The following ZNF18 variants were observed in gnomAD, a reference collection of about 807,000 sequenced individuals.
ZNF18 encodes heart development-specific gene 1 protein.
Under a neutral mutation model 58.1 loss-of-function variants are expected in ZNF18, and 42 were observed. The observed-to-expected ratio is 0.72, with a 90% CI of 0.56 to 0.93. The LOEUF (loss-of-function observed/expected upper bound fraction) is 0.93. Among genes scored for constraint, ZNF18 ranks in the 40% least tolerant of loss-of-function variants. ZNF18 has a pLI of 0.00. For missense variants in ZNF18, 540 were observed against 644.2 expected, an observed-to-expected ratio of 0.84 and a Z score of 1.75; for synonymous variants, 231 against 239.8, an observed-to-expected ratio of 0.96 and a Z score of 0.34.
At chr17:12,010,902 G>T in the ZNF18 span, 1 of 527,970 alleles carries the variant, frequency 1.9e-6, no homozygotes, top group Non-Finnish European at 3.4e-6. Context: ...TCCTTCACTT[G>T]TTTCAGGAAG....
chr17:12,020,521 C>T, the ZNF18 span, among the ~76,000 whole-genome samples: 1 of 152,182 alleles, frequency 6.6e-6, no homozygotes, highest in African/African-American at 2.4e-5. Flanking sequence ...TTCTGAGATT[C>T]CAACAAAGTG....
At chr17:11,984,042 A>T in intron 5 of ZNF18, 71 bp downstream of exon 5, 1 of 1,411,800 alleles carries the variant, frequency 7.1e-7, no homozygotes, top group Non-Finnish European at 9.8e-7. Flanking sequence ...TGTCTCTATA[A>T]GTGCATGGAA....
chr17:12,006,614 G>C, the ZNF18 span, among the ~76,000 whole-genome samples: 1 of 152,260 alleles, frequency 6.6e-6, no homozygotes. Flanking sequence ...ACCAGGGCAT[G>C]GTGGTGCACA....
At chr17:11,979,949 A>C (rs1967230280) in intron 6 of ZNF18, among the ~76,000 whole-genome samples, 1 of 152,218 alleles carries the variant, frequency 6.6e-6, no homozygotes, top group African/African-American at 2.4e-5. Flanking sequence ...CTACCATGGA[A>C]ATCTAATTTG....
chr17:11,984,738 A>G (rs1967626080), intron 4 of ZNF18, among the ~76,000 whole-genome samples: 1 of 151,796 alleles, frequency 6.6e-6, no homozygotes, highest in South Asian at 2.1e-4. Context: ...CGATCTCCTG[A>G]CCTTGTGATC....
chr17:12,020,243 G>T, the ZNF18 span, among the ~76,000 whole-genome samples: 1 of 152,144 alleles, frequency 6.6e-6, no homozygotes, highest in Non-Finnish European at 1.5e-5. Flanking sequence ...CAAATTTAAT[G>T]GGCATACAAA....
chr17:11,991,847 A>C (rs964711193), intron 2 of ZNF18, among the ~76,000 whole-genome samples: 1 of 152,094 alleles, frequency 6.6e-6, no homozygotes, highest in African/African-American at 2.4e-5. Context: ...GGAGATACTC[A>C]ATCACCAACG....
intron 6 of ZNF18, among the ~76,000 whole-genome samples, chr17:11,980,551 GCTGGGATTA>G (rs1967272787): frequency 6.6e-6 from 1 of 151,966 alleles, no homozygotes; most frequent in Admixed American, 6.6e-5. Flanking sequence ...CTCCCAAGTA[GCTGGGATTA>G]CAGGTGCCCG....
chr17:12,020,964 C>T, the ZNF18 span: 21 of 1,215,076 alleles, frequency 1.7e-5, no homozygotes, highest in Admixed American at 4.3e-5. Context: ...CCGTAGGGTC[C>T]CCGGCGCCAG....
upstream of ZNF18, chr17:11,997,510 T>G (rs1021802532): frequency 6.6e-6 from 1 of 152,170 alleles, no homozygotes; most frequent in Non-Finnish European, 1.5e-5. Context: ...GCGAACGACG[T>G]GCGGCACCGG....
chr17:12,014,355 C>G, the ZNF18 span, among the ~76,000 whole-genome samples: 1 of 152,114 alleles, frequency 6.6e-6, no homozygotes, highest in Non-Finnish European at 1.5e-5. Flanking sequence ...CAGCATTATT[C>G]CTAATAGCCA....
At chr17:12,000,404 A>T (rs1968635928), upstream of ZNF18, among the ~76,000 whole-genome samples, 1 of 152,146 alleles carries the variant, frequency 6.6e-6, no homozygotes, top group Non-Finnish European at 1.5e-5. Flanking sequence ...CAACTGCATA[A>T]AGTGTTCAAA....
rs566274334 is a variant in ZNF18 at position 11,991,155 on chromosome 17, G to A, written c.396C>T (p.Ile132=). The change falls in exon 3 of 7, where the codon ATC becomes ATT. Residue 132 remains isoleucine (I), a synonymous_variant. Coordinates refer to ENST00000580306, the MANE Select transcript of ZNF18 (RefSeq NM_001303281.2). ...DPQRLWQWIS[I]QVLGQDILSE... The stretch of plus-strand genomic sequence containing the variant: ...ATAAGATGTCCTGTCCTAGAACCTG[G>A]ATACTGATCTAGAGACCATATATTA... 3 of 1,613,798 alleles carry A rather than the reference G, an allele frequency of 1.9e-6. No individual in the cohort carries two copies. Among genetic ancestry groups the A allele is most frequent in the African/African-American group, 2.7e-5 (2 of 75,026 alleles).
At chr17:11,986,427 C>G (rs975125515) in intron 4 of ZNF18, among the ~76,000 whole-genome samples, 6 of 152,152 alleles carry the variant, frequency 3.9e-5, no homozygotes, top group Non-Finnish European at 7.3e-5. Flanking sequence ...GTTCAATTAG[C>G]AGGTGCTAAG....
At chr17:11,990,915 G>T in intron 3 of ZNF18, 59 bp downstream of exon 3, 2 of 1,544,584 alleles carry the variant, frequency 1.3e-6, no homozygotes, top group Non-Finnish European at 1.8e-6. Context: ...ACTCACTTAG[G>T]CCTACTAATC....
chr17:12,016,550 G>C, the ZNF18 span, among the ~76,000 whole-genome samples: 1 of 151,732 alleles, frequency 6.6e-6, no homozygotes, highest in African/African-American at 2.4e-5. Context: ...CCTTGGTTTT[G>C]AACTCCTGAC....
In ZNF18 at chr17:11,978,100, G is replaced by A; in HGVS notation, c.1507C>T (p.Gln503Ter). 2 of 1,614,020 alleles carry A rather than the reference G, an allele frequency of 1.2e-6. No homozygotes were observed. Among genetic ancestry groups the A allele is most frequent in the Non-Finnish European group, 1.7e-6 (2 of 1,180,014 alleles). ...TGATGTCTATTAAAGTTTGATCTCT[G>A]AATGAAACTTTTCTCACAGATAGGA... Reference protein sequence around the residue: ...KCPICEKSFIQRSNFNRHQRV... With the variant: ...KCPICEKSFI Residue 503 changes from glutamine (Q) to a stop codon, truncating the protein, a stop_gained, in exon 7 of 7, where the codon CAG (glutamine) becomes TAG (stop). Transcript: ENST00000580306. LOFTEE classifies it high-confidence loss of function.
intron 1 of ZNF18, among the ~76,000 whole-genome samples, chr17:11,996,175 T>C (rs1226117565): frequency 6.6e-6 from 1 of 152,204 alleles, no homozygotes; most frequent in East Asian, 1.9e-4. Context: ...TGAGTGACAA[T>C]GACAGCATTA....
At chr17:12,015,857 C>T in the ZNF18 span, among the ~76,000 whole-genome samples, 6 of 151,984 alleles carry the variant, frequency 3.9e-5, no homozygotes, top group African/African-American at 1.4e-4. Flanking sequence ...AGCGCGATCT[C>T]GGCTCACTGC....
Sources: gnomAD v4.1 joint callset for allele counts (sites outside exome capture counted in the v4.1 genomes callset) on GRCh38, gnomAD v4.1.1 for gene constraint, MANE v1.5 for transcripts, NCBI Gene and HGNC (gene_info 2026-07-23, HGNC 2026-07-21) for gene names.